Variants in DHRS12 observed in about 807,000 individuals in gnomAD.
DHRS12 encodes the protein dehydrogenase/reductase SDR family member 12.
A neutral mutation model predicts 32.1 loss-of-function variants in DHRS12; 29 were observed. The ratio of observed to expected loss-of-function variants is 0.90; its 90% CI spans 0.67 to 1.23. The LOEUF is 1.23. DHRS12 is among the 50% of genes most tolerant of loss of function. The pLI, the probability that DHRS12 is intolerant of heterozygous loss-of-function variation, is 0.00. For missense variants in DHRS12, 330 were observed against 337.2 expected (o/e 0.98, Z 0.17); for synonymous variants, 150 against 135.9 (o/e 1.10, Z -0.72).
At chr13:51,802,454 G>T (rs1240824151) in intron 1 of DHRS12, among the ~76,000 whole-genome samples, 2 of 152,196 alleles carry the variant, frequency 1.3e-5, no homozygotes, top group Admixed American at 1.3e-4. Flanking sequence ...GAGGTGACAG[G>T]GATGGGGAGG....
chr13:51,756,461 G>T, the DHRS12 span: 1 of 1,613,542 alleles, frequency 6.2e-7, no homozygotes, highest in South Asian at 1.1e-5. Context: ...CACAGATGAA[G>T]AGTAAGTTCC....
chr13:51,781,906 A>G (rs1954729084), intron 4 of DHRS12, among the ~76,000 whole-genome samples: 1 of 152,214 alleles, frequency 6.6e-6, no homozygotes, highest in African/African-American at 2.4e-5. Flanking sequence ...AGGTGGGTAC[A>G]GGAGGGCACC....
intron 1 of DHRS12, among the ~76,000 whole-genome samples, chr13:51,802,924 T>C (rs1416986487): frequency 1.3e-5 from 2 of 152,226 alleles, no homozygotes; most frequent in Non-Finnish European, 2.9e-5. Flanking sequence ...ACAGTCTGCT[T>C]TCCTTGGGGC....
At position 51,773,807 on chromosome 13, in the gene DHRS12, T is replaced by G. The variant is rs560499079; in HGVS notation, c.468+123A>C. The G allele has an allele frequency of 1.1e-4, 90 of 801,382 alleles. No homozygotes were observed. The South Asian group carries it at 1.5e-3, about 13-fold the overall frequency. 49.6% of individuals were successfully genotyped at this position (801,382 alleles called of 1,614,324 possible). On this transcript the variant is annotated intron_variant, in intron 6 of 8. Coordinates refer to ENST00000444610, the MANE Select transcript of DHRS12 (RefSeq NM_001377533.1). ...GGGGAGCCCTCTTGGTGAGGGAACA[T>G]TTTCAGGTGCTGCATGAACTACTAA...
intron 7 of DHRS12, chr13:51,770,696 A>G: frequency 1.0e-6 from 1 of 956,852 alleles, no homozygotes; most frequent in Non-Finnish European, 1.2e-6. Context: ...GCTGGTCTCC[A>G]TGAGATGCCA....
chr13:51,784,349 T>C (rs1954856024), intron 4 of DHRS12, among the ~76,000 whole-genome samples: 2 of 152,026 alleles, frequency 1.3e-5, no homozygotes, highest in Admixed American at 1.3e-4. Context: ...AGAGGAGCAG[T>C]ATGAGTTAGC....
At position 51,782,989 on chromosome 13, in the gene DHRS12, T is replaced by C. The variant is rs780699956; in HGVS notation, c.302-5868A>G. On this transcript the variant is annotated intron_variant, in intron 4 of 8. Coordinates refer to ENST00000444610, the MANE Select transcript of DHRS12 (RefSeq NM_001377533.1). This position sits in a 1 kb window ranked among gnomAD's most constrained non-coding sequence, Gnocchi z 4.2. The stretch of plus-strand genomic sequence containing the variant: ...AGACACCACGGAGCCTGGCGAGGAC[T>C]CTGCACCACCATGGAGCTGCCGAGA... 5.3e-5 allele frequency among the ~76,000 whole-genome samples: 8 copies of C among 152,136 alleles called. No homozygotes were observed. Among genetic ancestry groups the C allele is most frequent in the Admixed American group, 1.3e-4 (2 of 15,278 alleles).
At chr13:51,776,574 T>TTCGGG in intron 5 of DHRS12, 1 of 168,312 alleles carries the variant, frequency 5.9e-6, no homozygotes, top group South Asian at 1.4e-4. Flanking sequence ...GATATGAACT[T>TTCGGG]TCGGGTCGGG....
chr13:51,796,464 G>T (rs1955515575), intron 2 of DHRS12, among the ~76,000 whole-genome samples: 2 of 152,132 alleles, frequency 1.3e-5, no homozygotes, highest in South Asian at 4.1e-4. Context: ...GAGGTGAGGG[G>T]GGCAGTAGGC....
At chr13:51,797,698 G>T in intron 2 of DHRS12, 2 of 936,236 alleles carry the variant, frequency 2.1e-6, no homozygotes, top group Non-Finnish European at 3.2e-6. Flanking sequence ...GCTGGCCGAG[G>T]CTGCTTCCAA....
At chr13:51,761,982 G>A in the DHRS12 span, 1 of 152,234 alleles carries the variant, frequency 6.6e-6, no homozygotes, top group Non-Finnish European at 1.5e-5. Context: ...TTTTCTGCAT[G>A]ATTGCTCTTT....
chr13:51,793,258 A>G (rs559032173), intron 2 of DHRS12, among the ~76,000 whole-genome samples: 1 of 152,218 alleles, frequency 6.6e-6, no homozygotes, highest in South Asian at 2.1e-4. Flanking sequence ...AATGAATGCA[A>G]CGGCATCCTC....
In DHRS12 at chr13:51,791,349, C is replaced by T. The variant is rs546733473; in HGVS notation, c.127-92G>A. 135 of 714,980 alleles carry T rather than the reference C, an allele frequency of 1.9e-4. 4 individuals carry two copies. The South Asian group carries it at 2.5e-3, about 13-fold the overall frequency. The allele number at this position is 714,980 out of a possible 1,614,324, so 44.3% of individuals were successfully genotyped here. On this transcript the variant is annotated intron_variant, in intron 2 of 8. Transcript: ENST00000444610. ...AAAAAAGTATACGGTTTTTAAAAAG[C>T]AAATACTTTGAAATGATATAAAACG... is the stretch of plus-strand genomic sequence containing the variant.
chr13:51,755,245 CCT>C, the DHRS12 span: 11 of 963,722 alleles, frequency 1.1e-5, no homozygotes, highest in Admixed American at 2.4e-4. Flanking sequence ...AGAAATCACA[CCT>C]CTGTTTCTTT....
chr13:51,769,607 G>A (rs1028695546), intron 7 of DHRS12, among the ~76,000 whole-genome samples: 2 of 152,128 alleles, frequency 1.3e-5, no homozygotes, highest in Non-Finnish European at 2.9e-5. Flanking sequence ...CATCCTAAGA[G>A]AGGATTCTAA....
intron 7 of DHRS12, among the ~76,000 whole-genome samples, chr13:51,770,258 C>T (rs11616606): frequency 0.039 from 5,884 of 152,282 alleles, 137 homozygotes; most frequent in Middle Eastern, 0.065. Context: ...TGTCACTCCG[C>T]GGTGACACAT....
chr13:51,772,697 C>T, intron 6 of DHRS12: 1 of 985,476 alleles, frequency 1.0e-6, no homozygotes, highest in Non-Finnish European at 1.2e-6. Flanking sequence ...CCTTTCCCAG[C>T]TGCAGTCACA....
At chr13:51,774,134 C>A in intron 5 of DHRS12, 100 bp from the exon 6 acceptor site, 1 of 1,054,228 alleles carries the variant, frequency 9.5e-7, no homozygotes, top group Non-Finnish European at 1.4e-6. Context: ...GACCAATGAC[C>A]ACAAAATTAG....
Position 51,799,599 on chromosome 13 carries a change from A to C in DHRS12, c.61T>G (p.Ser21Ala), listed in dbSNP as rs1955660926. The change falls in exon 2 of 9, where the codon TCT (serine) becomes GCT (alanine). Residue 21 changes from serine to alanine, a missense_variant. By Grantham distance (99) the Ser-to-Ala change is moderately conservative. Transcript: ENST00000444610. ...MTWRSRFLEESFWSLEETAAL... is the reference protein window; with the variant it reads ...MTWRSRFLEEAFWSLEETAAL... ...GCTGTTTCCTCCAGTGACCAAAAAG[A>C]CTCTTCCAGGAATCTGGACCTCCAA... 19 of 1,613,682 alleles carry C rather than the reference A, an allele frequency of 1.2e-5. No homozygotes were observed. The highest frequency in any genetic ancestry group is 1.4e-5 in the Non-Finnish European group (17 of 1,179,972).
Sources: gnomAD v4.1 joint callset for allele counts (sites outside exome capture counted in the v4.1 genomes callset) on GRCh38, gnomAD v4.1.1 for gene constraint, Gnocchi (gnomAD v3.1) non-coding constraint, MANE v1.5 for transcripts, NCBI Gene and HGNC (gene_info 2026-07-23, HGNC 2026-07-21) for gene names.